Variants in ORC1 observed in about 807,000 individuals in gnomAD.
The protein encoded by ORC1 is origin recognition complex subunit 1.
ORC1 carries 61 observed loss-of-function variants against 98.9 expected under a neutral mutation model. The ratio of observed to expected loss-of-function variants is 0.62; its 90% CI spans 0.50 to 0.76. ORC1 has a LOEUF of 0.76. Ranked by LOEUF, ORC1 falls within the 30% of genes least tolerant of loss-of-function variation. ORC1 has a pLI of 0.00. For missense variants in ORC1, 979 were observed against 1,072.2 expected, an observed-to-expected ratio of 0.91 and a Z score of 1.21; for synonymous variants, 385 against 406.9, an observed-to-expected ratio of 0.95 and a Z score of 0.65.
chr1:52,382,433 TCACTTACC>T (rs1647083820), intron 13 of ORC1, among the ~76,000 whole-genome samples: 1 of 152,192 alleles, frequency 6.6e-6, no homozygotes, highest in Admixed American at 6.5e-5. Context: ...GCACTTGGCT[TCACTTACC>T]AGGCTCTTCA....
intron 5 of ORC1, among the ~76,000 whole-genome samples, chr1:52,395,489 T>TA (rs1202447833): frequency 6.6e-6 from 1 of 151,902 alleles, no homozygotes; most frequent in African/African-American, 2.4e-5. Context: ...AAAAATTAAA[T>TA]AAAAAAAGGG....
rs1647073596 is a variant in ORC1 at position 52,381,764 on chromosome 1, G to A, written c.2014-3C>T. ...TGGAAGCACATCCTGGTAAGACCCT[G>A]GGGAGCCAAAATGACAGAGGAATAA... On this transcript the variant is annotated splice_polypyrimidine_tract_variant and splice_region_variant and intron_variant, in intron 13 of 16. Transcript: ENST00000371568. 6.2e-7 allele frequency: 1 copy of A among 1,612,630 alleles called. No individual in the cohort carries two copies. Among genetic ancestry groups the A allele is most frequent in the Non-Finnish European group, 8.5e-7 (1 of 1,179,104 alleles).
At chr1:52,408,819 C>A, upstream of ORC1, 1 of 1,185,228 alleles carries the variant, frequency 8.4e-7, no homozygotes, top group Non-Finnish European at 1.2e-6. Context: ...TGTCTCTATG[C>A]AGGTTTTCCC....
intron 8 of ORC1, among the ~76,000 whole-genome samples, chr1:52,386,961 A>T (rs985913570): frequency 6.6e-6 from 1 of 152,224 alleles, no homozygotes; most frequent in Non-Finnish European, 1.5e-5. Context: ...TCTCAAAAAA[A>T]AACAAAAAGG....
At chr1:52,384,043 T>C in intron 11 of ORC1, 106 bp from the exon 12 acceptor site, 2 of 860,884 alleles carry the variant, frequency 2.3e-6, no homozygotes. Flanking sequence ...AGGACTTCGG[T>C]ATCCTATATT....
intron 9 of ORC1, among the ~76,000 whole-genome samples, 174 bp from the exon 10 acceptor site, chr1:52,385,436 T>A: frequency 6.6e-6 from 1 of 152,056 alleles, no homozygotes; most frequent in East Asian, 1.9e-4. Flanking sequence ...GGCCTCATAA[T>A]CCTTGGCCTC....
chr1:52,374,890 A>G lies in ORC1; in HGVS notation c.2311T>C (p.Ser771Pro). The change falls in exon 16 of 17, where the codon TCT (serine) becomes CCT (proline). Residue 771 changes from serine to proline, a missense_variant. Coordinates refer to ENST00000371568, the MANE Select transcript of ORC1 (RefSeq NM_004153.4). ...CTCAGGAAGCTCTGTTCCAGAACAGAGGAATTTCTTAAAGGAAACGAGGGG... is the reference window on the plus strand; with the variant it reads ...CTCAGGAAGCTCTGTTCCAGAACAGGGGAATTTCTTAAAGGAAACGAGGGG... ...SSYITAIKNSSVLEQSFLRAI... is the reference protein window; with the variant it reads ...SSYITAIKNSPVLEQSFLRAI... 6.2e-7 allele frequency: 1 copy of G among 1,612,268 alleles called. No homozygotes were observed. Among genetic ancestry groups the G allele is most frequent in the South Asian group, 1.1e-5 (1 of 91,046 alleles).
At position 52,374,843 on chromosome 1, in the gene ORC1, A is replaced by G. The variant is rs1557566775; in HGVS notation, c.2358T>C (p.Arg786=). ...ACGTGGCTTCCTCCAGTCCTGATCG[A>G]CGGAACTCTGCGAGGATGGCTCTCA... is the stretch of plus-strand genomic sequence containing the variant. ...SFLRAILAEF[R]RSGLEEATFQ... Residue 786 remains arginine, a synonymous_variant, in exon 16 of 17, where the codon CGT becomes CGC. Coordinates refer to ENST00000371568, the MANE Select transcript of ORC1 (RefSeq NM_004153.4). 6.2e-7 allele frequency: 1 copy of G among 1,613,992 alleles called. No individual in the cohort carries two copies.
At chr1:52,408,661 G>A (rs756181704), upstream of ORC1, 18 of 1,614,086 alleles carry the variant, frequency 1.1e-5, 1 homozygote, top group South Asian at 1.2e-4. Flanking sequence ...AATGACTATC[G>A]AAAAATCAAG....
rs777634963 is a variant in ORC1 at position 52,396,408 on chromosome 1, A to G, written c.403-44T>C. On this transcript the variant is annotated intron_variant, in intron 4 of 16. Transcript: ENST00000371568. ...GATAAGTAGGAAGAGATGAGCCCCAAGAGAGCCAAGGAGTATTCCATCAGA... is the reference window on the plus strand; with the variant it reads ...GATAAGTAGGAAGAGATGAGCCCCAGGAGAGCCAAGGAGTATTCCATCAGA... 4.3e-6 allele frequency: 7 copies of G among 1,612,694 alleles called. No individual in the cohort carries two copies. The African/African-American group carries it at 5.3e-5, about 12-fold the overall frequency.
intron 8 of ORC1, 64 bp from the exon 9 acceptor site, chr1:52,386,013 G>A: frequency 3.4e-6 from 4 of 1,172,478 alleles, no homozygotes; most frequent in Non-Finnish European, 5.0e-6. Flanking sequence ...GGACACACCA[G>A]CAAATGTGAT....
intron 14 of ORC1, among the ~76,000 whole-genome samples, chr1:52,377,975 G>A (rs1476952345): frequency 6.6e-6 from 1 of 152,188 alleles, no homozygotes; most frequent in East Asian, 1.9e-4. Flanking sequence ...AAGAAATAGA[G>A]AGGGCTTTGA....
chr1:52,408,869 G>C (rs970093867), upstream of ORC1: 2 of 644,798 alleles, frequency 3.1e-6, no homozygotes, highest in Admixed American at 3.3e-5. Context: ...TACTAGCTTC[G>C]TGTTGGCCTT....
chr1:52,380,379 G>A (rs570010841), intron 14 of ORC1, among the ~76,000 whole-genome samples: 5 of 152,300 alleles, frequency 3.3e-5, no homozygotes, highest in South Asian at 2.1e-4. Flanking sequence ...GGAGGAAAAC[G>A]GGAAAGGACA....
At chr1:52,393,326 C>G in intron 6 of ORC1, 117 bp downstream of exon 6, 3 of 1,388,308 alleles carry the variant, frequency 2.2e-6, no homozygotes, top group Non-Finnish European at 3.0e-6. Flanking sequence ...GAAAGCTCCC[C>G]AATACTTCTG....
intron 3 of ORC1, among the ~76,000 whole-genome samples, chr1:52,399,509 AG>A (rs375872631): frequency 2.6e-5 from 4 of 151,892 alleles, no homozygotes; most frequent in African/African-American, 9.7e-5. Context: ...CTGTAGTCTC[AG>A]CTACTCGGGA....
intron 8 of ORC1, among the ~76,000 whole-genome samples, chr1:52,387,264 G>A (rs960540576): frequency 8.5e-5 from 13 of 152,244 alleles, no homozygotes; most frequent in South Asian, 2.1e-4. Flanking sequence ...ATCCTATTGC[G>A]AACTGTGTGT....
At chr1:52,401,893 G>A (rs1045821418) in intron 2 of ORC1, among the ~76,000 whole-genome samples, 2 of 152,112 alleles carry the variant, frequency 1.3e-5, no homozygotes, top group Non-Finnish European at 2.9e-5. Flanking sequence ...ACCTTAAATA[G>A]ACATGACATT....
chr1:52,384,004 T>G (rs1197409024), intron 11 of ORC1, 67 bp from the exon 12 acceptor site: 2 of 1,317,778 alleles, frequency 1.5e-6, no homozygotes, highest in African/African-American at 2.9e-5. Context: ...TAAAGTTAAA[T>G]CTGCAAATGG....
Sources: gnomAD v4.1 joint callset for allele counts (sites outside exome capture counted in the v4.1 genomes callset) on GRCh38, gnomAD v4.1.1 for gene constraint, MANE v1.5 for transcripts, NCBI Gene and HGNC (gene_info 2026-07-23, HGNC 2026-07-21) for gene names.